Variants in CEP290 observed in about 807,000 individuals in gnomAD.
The protein encoded by CEP290 is centrosomal protein 290, also known as centrosomal protein of 290 kDa.
A neutral mutation model predicts 344.9 loss-of-function variants in CEP290; 317 were observed. The observed-to-expected ratio is 0.92, with a 90% CI of 0.84 to 1.01. The LOEUF is 1.01. CEP290 is among the 50% of genes least tolerant of loss of function. The probability of loss-of-function intolerance (pLI) is 0.00; values close to 1 mark genes in which losing one functional copy is unlikely to be tolerated. For missense variants in CEP290, 2,754 were observed against 2,761.4 expected, an observed-to-expected ratio of 1.00 and a Z score of 0.06; for synonymous variants, 932 against 895.8, an observed-to-expected ratio of 1.04 and a Z score of -0.72.
chr12:88,056,748 A>G (rs2034037810), intron 49 of CEP290, among the ~76,000 whole-genome samples: 1 of 152,236 alleles, frequency 6.6e-6, no homozygotes, highest in Admixed American at 6.5e-5. Context: ...TTGAATAAAT[A>G]ATAAAGCAAC....
chr12:88,121,190 T>C (rs780444427), intron 13 of CEP290, 24 bp from the exon 14 acceptor site: 2 of 1,572,334 alleles, frequency 1.3e-6, no homozygotes, highest in South Asian at 1.1e-5. Context: ...ACAAAAATCA[T>C]GAATTGAATT....
At chr12:88,103,669 T>G (rs1285160047) in intron 25 of CEP290, 1 of 151,978 alleles carries the variant, frequency 6.6e-6, no homozygotes, top group African/African-American at 2.4e-5. Flanking sequence ...AAACATTACA[T>G]AGAAAAGTAC....
chr12:88,059,070 TCA>T, intron 48 of CEP290, 50 bp from the exon 49 acceptor site: 6 of 1,407,126 alleles, frequency 4.3e-6, no homozygotes, highest in Non-Finnish European at 5.8e-6. Context: ...AATACTGTTC[TCA>T]TAGATTCAGT....
chr12:88,094,952 A>T (rs1325906654), intron 27 of CEP290, among the ~76,000 whole-genome samples: 2 of 152,172 alleles, frequency 1.3e-5, no homozygotes, highest in Non-Finnish European at 2.9e-5. Context: ...TCTCAGTTTT[A>T]AAAAGTACTT....
intron 52 of CEP290, among the ~76,000 whole-genome samples, chr12:88,052,336 A>G (rs1228063061): frequency 2.0e-5 from 3 of 152,340 alleles, no homozygotes; most frequent in Non-Finnish European, 4.4e-5. Context: ...CTAAATATCC[A>G]TCAAAACATA....
chr12:88,059,897 CT>C lies in CEP290; in HGVS notation c.6645del (p.Glu2216LysfsTer10), dbSNP rs2136724878. Reference protein sequence around the residue: ...ENERLRKELKKETDAAEKLRI... With the variant: ...ENERLRKELKXETDAAEKLRI... ...GTTATAATCAGTCATAAAAGTCATA[CT>C]TTTTTAAGTTCTTTACGAAGCCTTT... On this transcript the variant is annotated frameshift_variant and splice_region_variant, in exon 48 of 54. Transcript: ENST00000552810. LOFTEE classifies it high-confidence loss of function. 1 of 1,574,626 alleles carries C rather than the reference CT, an allele frequency of 6.4e-7. No homozygotes were observed. Among genetic ancestry groups the C allele is most frequent in the Non-Finnish European group, 8.6e-7 (1 of 1,165,150 alleles).
intron 11 of CEP290, among the ~76,000 whole-genome samples, chr12:88,126,995 G>C (rs75313654): frequency 1.6e-5 from 1 of 64,192 alleles, no homozygotes; most frequent in African/African-American, 4.5e-5. Context: ...TATTCATAAA[G>C]AAGTCTAAAA....
At chr12:88,080,762 T>G (rs1223012395) in intron 37 of CEP290, among the ~76,000 whole-genome samples, 2 of 152,098 alleles carry the variant, frequency 1.3e-5, no homozygotes, top group African/African-American at 4.8e-5. Flanking sequence ...GTTGCTGCAA[T>G]TCATACCTTG....
intron 26 of CEP290, among the ~76,000 whole-genome samples, chr12:88,097,610 T>TACACAC (rs34989046): frequency 1.7e-3 from 250 of 144,324 alleles, no homozygotes; most frequent in Middle Eastern, 7.1e-3. Flanking sequence ...CACACACACA[T>TACACAC]ACACACACAC....
rs755086278 is a variant in CEP290, at chr12:88,106,924, A to G, written c.2587-19T>C. 5.0e-5 allele frequency: 79 copies of G among 1,582,174 alleles called. 1 individual carries two copies. Among genetic ancestry groups the G allele is most frequent in the South Asian group, 3.8e-4 (33 of 87,066 alleles). Reference sequence around the variant, plus strand: ...GCAAATTCTGCACAAAGACACATCCATATTACTTGTTGAATCTAGCTATCC... The same window carrying G: ...GCAAATTCTGCACAAAGACACATCCGTATTACTTGTTGAATCTAGCTATCC... On this transcript the variant is annotated intron_variant, in intron 24 of 53. Transcript: ENST00000552810.
intron 49 of CEP290, 136 bp downstream of exon 49, chr12:88,058,712 G>A (rs1240692523): frequency 1.2e-5 from 10 of 843,284 alleles, no homozygotes; most frequent in Non-Finnish European, 1.6e-5. Context: ...CAGAAAAAAA[G>A]TATTATGTTA....
intron 28 of CEP290, chr12:88,093,518 C>T (rs1432636184): frequency 8.3e-6 from 3 of 359,590 alleles, no homozygotes; most frequent in African/African-American, 4.2e-5. Context: ...AAAGGCAATT[C>T]CATTGTTTAG....
rs1248387288 is a variant in CEP290 at position 88,117,091 on chromosome 12, A to T, written c.1766T>A (p.Ile589Lys). 6.4e-7 allele frequency: 1 copy of T among 1,561,248 alleles called. No individual in the cohort carries two copies. Among genetic ancestry groups the T allele is most frequent in the South Asian group, 1.2e-5 (1 of 84,936 alleles). ...CAATAAATCCAATTTTCTTTCACTT[A>T]TTCTATCTCCTTGAGAAATGTTTTC... ...LTENISQGDR[I>K]SERKLDLLSL... Residue 589 changes from isoleucine to lysine, a missense_variant, in exon 18 of 54, where the codon ATA becomes AAA. Physicochemically the swap from Ile to Lys is moderately radical, Grantham distance 102 (BLOSUM62 -3). Transcript: ENST00000552810.
rs1257171303 is a variant in CEP290, at chr12:88,140,962, T to A, written c.174A>T (p.Leu58=). ...AAACCTACTACATACAAACCTTCAT[T>A]AGTGACTGAGTAATTCTGAAAAGGT... ...VIHLFRITQS[L]MKMKAQEVEL... is the part of the protein sequence containing the mutation. Residue 58 remains leucine (L), a synonymous_variant, in exon 3 of 54, where the codon CTA becomes CTT. Coordinates refer to ENST00000552810, the MANE Select transcript of CEP290 (RefSeq NM_025114.4). 2 of 1,584,432 alleles carry A rather than the reference T, an allele frequency of 1.3e-6. No homozygotes were observed. The highest frequency in any genetic ancestry group is 1.7e-6 in the Non-Finnish European group (2 of 1,168,714).
Position 88,129,024 on chromosome 12 carries a change from A to C in CEP290, c.864T>G (p.Leu288=), listed in dbSNP as rs758713139. The change falls in exon 11 of 54, where the codon CTT becomes CTG. Residue 288 remains leucine (L), a synonymous_variant. Coordinates refer to ENST00000552810, the MANE Select transcript of CEP290 (RefSeq NM_025114.4). Reference sequence around the variant, plus strand: ...CATTTTTTGATTTCAGAAGATCTGTAAGCTCCTGCACCTAAAAGACAAAGT... The same window carrying C: ...CATTTTTTGATTTCAGAAGATCTGTCAGCTCCTGCACCTAAAAGACAAAGT... ...NDHYQLQVQE[L]TDLLKSKNEE... The C allele has an allele frequency of 1.3e-6, 2 of 1,483,584 alleles. No homozygotes were observed. The highest frequency in any genetic ancestry group is 1.8e-6 in the Non-Finnish European group (2 of 1,128,820). 91.9% of individuals were successfully genotyped at this position (1,483,584 alleles called of 1,614,324 possible).
intron 16 of CEP290, 36 bp downstream of exon 16, chr12:88,118,607 C>A (rs2039214287): frequency 6.2e-7 from 1 of 1,610,108 alleles, no homozygotes; most frequent in Non-Finnish European, 8.5e-7. Flanking sequence ...CTCTATAGTT[C>A]AGCCAAGAAA....
At chr12:88,118,606 T>C (rs757060664) in intron 16 of CEP290, 36 bp from the exon 17 acceptor site, 1 of 1,610,928 alleles carries the variant, frequency 6.2e-7, no homozygotes, top group Non-Finnish European at 8.5e-7. Flanking sequence ...TCTCTATAGT[T>C]CAGCCAAGAA....
intron 20 of CEP290, among the ~76,000 whole-genome samples, chr12:88,113,432 G>A (rs2038834217): frequency 6.6e-6 from 1 of 151,948 alleles, no homozygotes; most frequent in South Asian, 2.1e-4. Context: ...TTATTTTCTT[G>A]CCTCAGGAAG....
chr12:88,126,242 T>C (rs1373225179), intron 12 of CEP290, 74 bp downstream of exon 12: 1 of 1,247,850 alleles, frequency 8.0e-7, no homozygotes, highest in Non-Finnish European at 1.0e-6. Context: ...GATGATATAA[T>C]AAATAAAAGA....
Sources: allele counts gnomAD v4.1 joint callset (sites outside exome capture counted in the v4.1 genomes callset), GRCh38; gene constraint gnomAD v4.1.1; transcripts MANE v1.5; gene names NCBI Gene and HGNC (gene_info 2026-07-23, HGNC 2026-07-21).